Variants in FAM20B observed in about 807,000 individuals in gnomAD.
FAM20B encodes glycosaminoglycan xylosylkinase.
A neutral mutation model predicts 43.8 loss-of-function variants in FAM20B; 23 were observed. The ratio of observed to expected loss-of-function variants is 0.53; its 90% CI spans 0.38 to 0.74. The LOEUF (loss-of-function observed/expected upper bound fraction) is 0.74, where lower values mean the gene tolerates loss of function less well. Ranked by LOEUF, FAM20B falls within the 30% of genes least tolerant of loss-of-function variation. The pLI is 0.00. For synonymous variants in FAM20B, 178 were observed against 192.4 expected, an observed-to-expected ratio of 0.93 and a Z score of 0.62; for missense variants, 440 against 510.5, an observed-to-expected ratio of 0.86 and a Z score of 1.33.
At chr1:179,064,805 G>C (rs1651621850) in intron 6 of FAM20B, among the ~76,000 whole-genome samples, 1 of 152,172 alleles carries the variant, frequency 6.6e-6, no homozygotes, top group Non-Finnish European at 1.5e-5. Flanking sequence ...GATATTTGGT[G>C]TTTAGAAGCT....
rs537837600 is a variant in FAM20B at position 179,076,408 on chromosome 1, C to G, written c.*4264C>G. ...GAAAGTGTGGGAGCCACTACCCTCT[C>G]TTTTGATCTGCCAAGGATTTCCTCT... On this transcript the variant is annotated 3_prime_UTR_variant, in exon 8 of 8. Transcript: ENST00000263733. The G allele has an allele frequency of 6.6e-6, 1 of 152,666 alleles. No individual in the cohort carries two copies. Among genetic ancestry groups the G allele is most frequent in the African/African-American group, 2.4e-5 (1 of 41,570 alleles). 9.5% of individuals were successfully genotyped at this position (152,666 alleles called of 1,614,324 possible). A position where few individuals can be genotyped will look rare whatever the true frequency, so the allele number is the denominator to read the frequency against.
chr1:179,026,474 C>T (rs1190123769), intron 1 of FAM20B, among the ~76,000 whole-genome samples: 4 of 152,128 alleles, frequency 2.6e-5, no homozygotes, highest in African/African-American at 9.7e-5. Flanking sequence ...TCCCCTTGCG[C>T]GGTCCCCAGA....
chr1:179,030,241 G>A (rs1400983083), intron 1 of FAM20B, among the ~76,000 whole-genome samples: 2 of 151,708 alleles, frequency 1.3e-5, no homozygotes, highest in Non-Finnish European at 2.9e-5. Flanking sequence ...GTTTCTTATC[G>A]TTGGTGTAGA....
Position 179,072,372 on chromosome 1 carries a change from AT to A in FAM20B, c.*230del, listed in dbSNP as rs1275272511. 3.7e-6 allele frequency: 2 copies of A among 539,448 alleles called. No homozygotes were observed. The highest frequency in any genetic ancestry group is 6.3e-5 in the Admixed American group (2 of 31,756). 33.4% of individuals were successfully genotyped at this position (539,448 alleles called of 1,614,324 possible). On this transcript the variant is annotated 3_prime_UTR_variant, in exon 8 of 8. Coordinates refer to ENST00000263733, the MANE Select transcript of FAM20B (RefSeq NM_014864.4). ...GAATCGCCTTCTCACCTCCTCGGCA[AT>A]TGCTCATTCTAGGGTTGGGCATCAT...
chr1:179,050,186 C>A, intron 2 of FAM20B, 93 bp from the exon 3 acceptor site: 2 of 820,624 alleles, frequency 2.4e-6, no homozygotes, highest in Non-Finnish European at 4.2e-6. Context: ...ATAGCAGAAT[C>A]AGGCTTGCTA....
At chr1:179,065,559 G>A (rs541539087) in intron 6 of FAM20B, among the ~76,000 whole-genome samples, 2 of 152,344 alleles carry the variant, frequency 1.3e-5, no homozygotes, top group South Asian at 4.1e-4. Context: ...TCAGCAAAGA[G>A]TGCTTGGGCA....
intron 1 of FAM20B, among the ~76,000 whole-genome samples, chr1:179,036,442 C>T (rs962865064): frequency 2.0e-5 from 3 of 152,108 alleles, no homozygotes; most frequent in Non-Finnish European, 4.4e-5. Context: ...GACATTGTTG[C>T]ACTGTTTGAA....
chr1:179,020,000 C>T, the FAM20B span, among the ~76,000 whole-genome samples: 1 of 152,310 alleles, frequency 6.6e-6, no homozygotes, highest in Non-Finnish European at 1.5e-5. Flanking sequence ...CTTATAGTCC[C>T]ACTGTGTTGA....
chr1:179,022,468 G>A (rs193010649), upstream of FAM20B, among the ~76,000 whole-genome samples: 12 of 152,240 alleles, frequency 7.9e-5, no homozygotes, highest in South Asian at 2.1e-4. Context: ...GTGTGCGCGC[G>A]CGCGTGTATG....
chr1:179,040,104 C>G (rs959209705), intron 1 of FAM20B, among the ~76,000 whole-genome samples: 3 of 152,294 alleles, frequency 2.0e-5, no homozygotes, highest in South Asian at 2.1e-4. Context: ...TAGCACAGAA[C>G]AAAATGAAAA....
chr1:179,018,348 C>T, the FAM20B span, among the ~76,000 whole-genome samples: 2 of 152,140 alleles, frequency 1.3e-5, no homozygotes, highest in Non-Finnish European at 2.9e-5. Context: ...ACTCTGTCGC[C>T]CAGGCTGGAG....
At chr1:179,052,433 A>G (rs1021111896) in intron 3 of FAM20B, among the ~76,000 whole-genome samples, 1 of 152,230 alleles carries the variant, frequency 6.6e-6, no homozygotes, top group Non-Finnish European at 1.5e-5. Flanking sequence ...TGCTTATGGC[A>G]TTGTTAATTG....
intron 4 of FAM20B, among the ~76,000 whole-genome samples, chr1:179,061,355 A>G (rs1651458410): frequency 1.3e-5 from 2 of 148,740 alleles, no homozygotes; most frequent in South Asian, 4.2e-4. Context: ...CCAAATGGTG[A>G]TTTTTTTTTT....
At chr1:179,029,783 G>A (rs753179847) in intron 1 of FAM20B, among the ~76,000 whole-genome samples, 24 of 152,142 alleles carry the variant, frequency 1.6e-4, no homozygotes, top group Non-Finnish European at 3.2e-4. Context: ...TATATACATA[G>A]CAATGCCTCA....
intron 3 of FAM20B, among the ~76,000 whole-genome samples, chr1:179,052,668 A>C (rs1422181444): frequency 1.3e-5 from 2 of 152,230 alleles, no homozygotes; most frequent in African/African-American, 4.8e-5. Flanking sequence ...GTTGTAACCT[A>C]AACATCTATT....
intron 1 of FAM20B, 84 bp downstream of exon 1, chr1:179,026,182 G>A (rs1649763749): frequency 6.7e-6 from 1 of 149,796 alleles, no homozygotes; most frequent in South Asian, 2.1e-4. Context: ...CACGCGGGCG[G>A]GGCACGGTAC....
chr1:179,020,154 TAC>T, the FAM20B span, among the ~76,000 whole-genome samples: 18,459 of 148,468 alleles, frequency 0.12, 1,150 homozygotes, highest in South Asian at 0.15. Context: ...TGTGTGTGTA[TAC>T]ACACACACAC....
intron 1 of FAM20B, among the ~76,000 whole-genome samples, chr1:179,041,101 G>A (rs1433743701): frequency 2.3e-5 from 3 of 130,524 alleles, no homozygotes; most frequent in East Asian, 2.2e-4. Context: ...ATGGGATGGC[G>A]GCCGGGAAGA....
chr1:179,064,044 T>C lies in FAM20B; in HGVS notation c.692T>C (p.Leu231Pro), dbSNP rs1651586419. 1 of 1,613,962 alleles carries C rather than the reference T, an allele frequency of 6.2e-7. No homozygotes were observed. Among genetic ancestry groups the C allele is most frequent in the Admixed American group, 1.7e-5 (1 of 59,994 alleles). The change falls in exon 5 of 8, where the codon CTG becomes CCG. Residue 231 changes from leucine (L) to proline (P), a missense_variant. Leu to Pro is a moderately conservative substitution (Grantham distance 98). Coordinates refer to ENST00000263733, the MANE Select transcript of FAM20B (RefSeq NM_014864.4). ...VTLWLPDVWP[L>P]QKHRHPWGRT... is the part of the protein sequence containing the mutation. ...CTTTGGCTTCCAGATGTGTGGCCTC[T>C]GCAGAAGCACCGTCACCCATGGGGC...
Sources: gnomAD v4.1 joint callset for allele counts (sites outside exome capture counted in the v4.1 genomes callset) on GRCh38, gnomAD v4.1.1 for gene constraint, MANE v1.5 for transcripts, NCBI Gene and HGNC (gene_info 2026-07-23, HGNC 2026-07-21) for gene names.